The following SCG5 variants were observed in gnomAD, a reference collection of about 807,000 sequenced individuals.
SCG5 encodes neuroendocrine protein 7B2.
Under a neutral mutation model 25.7 loss-of-function variants are expected in SCG5, and 18 were observed. The observed-to-expected ratio is 0.70, with a 90% CI of 0.48 to 1.04. The LOEUF is 1.04. Among genes scored for constraint, SCG5 ranks in the 50% least tolerant of loss-of-function variants. The pLI is 0.00. For synonymous variants in SCG5, 101 were observed against 91.7 expected (o/e 1.10, Z -0.58); for missense variants, 206 against 259.8 (o/e 0.79, Z 1.42).
intron 4 of SCG5, among the ~76,000 whole-genome samples, chr15:32,689,171 G>C (rs2054794128): frequency 6.6e-6 from 1 of 152,024 alleles, no homozygotes; most frequent in Non-Finnish European, 1.5e-5. Flanking sequence ...TTCTAAGCAA[G>C]AGTTTCCCCT....
At chr15:32,687,349 G>T (rs1421005798) in intron 4 of SCG5, among the ~76,000 whole-genome samples, 3 of 152,066 alleles carry the variant, frequency 2.0e-5, no homozygotes, top group Admixed American at 6.6e-5. Context: ...CTAGAATCTA[G>T]GATCAAATGT....
intron 2 of SCG5, among the ~76,000 whole-genome samples, chr15:32,644,594 G>T (rs1264523417): frequency 6.6e-6 from 1 of 152,116 alleles, no homozygotes; most frequent in African/African-American, 2.4e-5. Flanking sequence ...CTATGAGCTG[G>T]TGATGCAGCG....
At chr15:32,694,684 GTGT>G (rs1274248854) in intron 5 of SCG5, among the ~76,000 whole-genome samples, 1 of 152,216 alleles carries the variant, frequency 6.6e-6, no homozygotes, top group Non-Finnish European at 1.5e-5. Flanking sequence ...TCTCAGCAAG[GTGT>G]TGTCTTGTGG....
chr15:32,689,585 C>T (rs1305382034), intron 4 of SCG5, among the ~76,000 whole-genome samples: 2 of 152,138 alleles, frequency 1.3e-5, no homozygotes, highest in Non-Finnish European at 2.9e-5. Flanking sequence ...AACAGGCTCA[C>T]CACTCCCCAA....
chr15:32,685,384 C>T (rs2054691031), intron 4 of SCG5, among the ~76,000 whole-genome samples: 1 of 152,150 alleles, frequency 6.6e-6, no homozygotes, highest in African/African-American at 2.4e-5. Flanking sequence ...TTTTGCAAAG[C>T]ATTTGACAAG....
At chr15:32,655,496 A>G (rs941669538) in intron 2 of SCG5, among the ~76,000 whole-genome samples, 25 of 152,104 alleles carry the variant, frequency 1.6e-4, no homozygotes, top group African/African-American at 6.0e-4. Context: ...GGTGCCCCCA[A>G]GCTATGCAGC....
In SCG5 at chr15:32,691,728, G is replaced by A. The variant is rs753164742; in HGVS notation, c.508G>A (p.Glu170Lys). ...LGKWNKKLLY[E>K]KMKGGERRKR... ...ATTCTAGAACAAGAAACTCCTTTAC[G>A]AGAAGATGAAGGGAGGAGAGAGACG... The change falls in exon 5 of 6, where the codon GAG becomes AAG. Residue 170 changes from glutamate (E) to lysine (K), a missense_variant. Glu to Lys is a moderately conservative substitution (Grantham distance 56). Transcript: ENST00000300175. The A allele has an allele frequency of 2.1e-5, 34 of 1,610,434 alleles. No individual in the cohort carries two copies. Among genetic ancestry groups the A allele is most frequent in the South Asian group, 8.9e-5 (8 of 90,172 alleles).
chr15:32,643,819 G>T lies in SCG5; in HGVS notation c.226+1G>T. On this transcript the variant is annotated splice_donor_variant, in intron 2 of 5. Coordinates refer to ENST00000300175, the MANE Select transcript of SCG5 (RefSeq NM_001144757.3). LOFTEE classifies it high-confidence loss of function. ...CTTGTGGGCCCCCAGAGCATTGAAG[G>T]TATTTACTGTGTTCTGATGGTTTGA... The T allele has an allele frequency of 6.2e-7, 1 of 1,611,882 alleles. No homozygotes were observed. Among genetic ancestry groups the T allele is most frequent in the East Asian group, 2.2e-5 (1 of 44,868 alleles).
At position 32,679,647 on chromosome 15, in the gene SCG5, T is replaced by C; in HGVS notation, c.227-119T>C. On this transcript the variant is annotated intron_variant, in intron 2 of 5. Coordinates refer to ENST00000300175, the MANE Select transcript of SCG5 (RefSeq NM_001144757.3). The stretch of plus-strand genomic sequence containing the variant: ...CCCTAGAGGGCAAGAACCATTTCAT[T>C]TATTTTTCTCTCCCCACAGCAGAAG... The C allele has an allele frequency of 2.7e-6, 3 of 1,092,396 alleles. 1 individual carries two copies. The highest frequency in any genetic ancestry group is 4.1e-6 in the Non-Finnish European group (3 of 738,336). The allele number at this position is 1,092,396 out of a possible 1,614,324, so 67.7% of individuals were successfully genotyped here. A position where few individuals can be genotyped will look rare whatever the true frequency, so the allele number is the denominator to read the frequency against.
chr15:32,685,335 C>T (rs1331003437), intron 4 of SCG5, among the ~76,000 whole-genome samples: 2 of 152,182 alleles, frequency 1.3e-5, no homozygotes, highest in East Asian at 1.9e-4. Flanking sequence ...TATTTGCCAG[C>T]TTGATGAGGG....
chr15:32,680,036 T>C (rs1179623569), intron 3 of SCG5, 121 bp downstream of exon 3: 1 of 901,190 alleles, frequency 1.1e-6, no homozygotes, highest in Non-Finnish European at 1.7e-6. Context: ...AGCCCATGTG[T>C]ATTTGTAAGT....
At chr15:32,655,605 T>C (rs11071882) in intron 2 of SCG5, among the ~76,000 whole-genome samples, 116,530 of 152,034 alleles carry the variant, frequency 0.77, 44,835 homozygotes, top group Middle Eastern at 0.84. Context: ...CCCCCAGATT[T>C]ATATGTTGAT....
intron 2 of SCG5, among the ~76,000 whole-genome samples, chr15:32,661,671 C>G (rs76269516): frequency 0.029 from 4,344 of 152,208 alleles, 102 homozygotes; most frequent in Non-Finnish European, 0.045. Flanking sequence ...CAAATGTCCT[C>G]TGAGGGTCAA....
At chr15:32,657,559 T>G (rs553633357) in intron 2 of SCG5, among the ~76,000 whole-genome samples, 5 of 152,232 alleles carry the variant, frequency 3.3e-5, no homozygotes, top group South Asian at 4.2e-4. Context: ...AAGGAGACTA[T>G]GATTCAGCTG....
At chr15:32,673,278 T>G (rs909798901) in intron 2 of SCG5, 11 of 152,102 alleles carry the variant, frequency 7.2e-5, no homozygotes, top group African/African-American at 2.2e-4. Context: ...TTTAAGAAGG[T>G]TCTTAGCAGC....
At chr15:32,696,415 C>T in intron 5 of SCG5, 99 bp from the exon 6 acceptor site, 1 of 864,950 alleles carries the variant, frequency 1.2e-6, no homozygotes. Context: ...CCGCGCCCGG[C>T]CCCAGAAACG....
chr15:32,647,636 C>T (rs2140499771), intron 2 of SCG5, among the ~76,000 whole-genome samples: 1 of 152,268 alleles, frequency 6.6e-6, no homozygotes, highest in East Asian at 1.9e-4. Context: ...ACTTCTTCAC[C>T]TCTCATTCTC....
At position 32,696,712 on chromosome 15, in the gene SCG5, T is replaced by C. The variant is rs1207820685; in HGVS notation, c.*103T>C. 2.8e-6 allele frequency: 2 copies of C among 702,466 alleles called. No homozygotes were observed. Among genetic ancestry groups the C allele is most frequent in the South Asian group, 3.3e-5 (2 of 60,020 alleles). The allele number at this position is 702,466 out of a possible 1,614,324, so 43.5% of individuals were successfully genotyped here. ...TGTGAATGACAGCATGTTTCTTACA[T>C]AGATAATTATGGATACAAAGCAGCT... On this transcript the variant is annotated 3_prime_UTR_variant, in exon 6 of 6. Coordinates refer to ENST00000300175, the MANE Select transcript of SCG5 (RefSeq NM_001144757.3).
At chr15:32,687,358 G>A (rs1251316996) in intron 4 of SCG5, among the ~76,000 whole-genome samples, 1 of 152,156 alleles carries the variant, frequency 6.6e-6, no homozygotes, top group Non-Finnish European at 1.5e-5. Context: ...AGGATCAAAT[G>A]TAAAAGGAAA....
Sources: allele counts gnomAD v4.1 joint callset (sites outside exome capture counted in the v4.1 genomes callset), GRCh38; gene constraint gnomAD v4.1.1; transcripts MANE v1.5; gene names NCBI Gene and HGNC (gene_info 2026-07-23, HGNC 2026-07-21).